Variants in PCDH9 observed in about 807,000 individuals in gnomAD.
The protein encoded by PCDH9 is protocadherin 9.
In PCDH9, 24 loss-of-function variants were observed where a neutral mutation model predicts 70.6. The observed-to-expected ratio is 0.34, with a 90% CI of 0.25 to 0.48. The LOEUF is 0.48. Ranked by LOEUF, PCDH9 falls within the 20% of genes least tolerant of loss-of-function variation. PCDH9 has a pLI of 0.99. For missense variants in PCDH9, 1,281 were observed against 1,503.6 expected, an observed-to-expected ratio of 0.85 and a Z score of 2.45; for synonymous variants, 562 against 558.5, an observed-to-expected ratio of 1.01 and a Z score of -0.09.
chr13:67,013,746 A>G (rs2084500761), intron 2 of PCDH9, among the ~76,000 whole-genome samples: 1 of 152,012 alleles, frequency 6.6e-6, no homozygotes, highest in Non-Finnish European at 1.5e-5. Context: ...AAGATTAAAT[A>G]GGAAAAATAC....
chr13:66,829,025 T>G (rs1214674101), intron 3 of PCDH9, among the ~76,000 whole-genome samples: 1 of 151,572 alleles, frequency 6.6e-6, no homozygotes, highest in Non-Finnish European at 1.5e-5. Flanking sequence ...TGTTTTTTTG[T>G]TTTTTTGTTT....
rs1414658173 is a variant in PCDH9, at chr13:66,787,433, T to C, written c.3138+116071A>G. 3.9e-5 allele frequency among the ~76,000 whole-genome samples: 6 copies of C among 152,040 alleles called. No individual in the cohort carries two copies. The South Asian group carries it at 8.3e-4, about 21-fold the overall frequency. ...GAGTTTGAGACCAGCCTGGCCAAGA[T>C]AGTGAAAGCCCATGTCTACTAAAAA... On this transcript the variant is annotated intron_variant, in intron 3 of 4. Coordinates refer to ENST00000377865, the MANE Select transcript of PCDH9 (RefSeq NM_203487.3).
intron 2 of PCDH9, among the ~76,000 whole-genome samples, chr13:67,003,868 T>C (rs1488331201): frequency 6.6e-6 from 1 of 152,202 alleles, no homozygotes; most frequent in Non-Finnish European, 1.5e-5. Context: ...AAAAATAGTC[T>C]CCTTAAAAGG....
intron 3 of PCDH9, among the ~76,000 whole-genome samples, chr13:66,899,483 A>T (rs145397331): frequency 7.3e-4 from 111 of 152,128 alleles, no homozygotes; most frequent in African/African-American, 2.5e-3. Flanking sequence ...TACACTGAAC[A>T]CTAAACCATT....
chr13:66,479,481 T>C (rs1958797161), intron 4 of PCDH9, among the ~76,000 whole-genome samples: 1 of 152,216 alleles, frequency 6.6e-6, no homozygotes, highest in Admixed American at 6.5e-5. Context: ...TCACCATTCT[T>C]GATGCCATTA....
intron 2 of PCDH9, among the ~76,000 whole-genome samples, chr13:67,177,092 G>C (rs1415610324): frequency 6.6e-6 from 1 of 152,022 alleles, no homozygotes; most frequent in Non-Finnish European, 1.5e-5. Flanking sequence ...CCCATGGCAA[G>C]TATTCAATAA....
chr13:66,789,706 A>T lies in PCDH9; in HGVS notation c.3138+113798T>A, dbSNP rs569812643. 1.3e-4 allele frequency among the ~76,000 whole-genome samples: 20 copies of T among 152,238 alleles called. No homozygotes were observed. The East Asian group carries it at 3.9e-3, about 29-fold the overall frequency. On this transcript the variant is annotated intron_variant, in intron 3 of 4. Coordinates refer to ENST00000377865, the MANE Select transcript of PCDH9 (RefSeq NM_203487.3). The stretch of plus-strand genomic sequence containing the variant: ...GTTTTATGCTCTGTTGGTCTTACTA[A>T]CATTTATCAATTTCTATAGACCATA...
intron 3 of PCDH9, among the ~76,000 whole-genome samples, chr13:66,890,251 T>C (rs1265439865): frequency 1.3e-5 from 2 of 152,104 alleles, no homozygotes; most frequent in African/African-American, 4.8e-5. Context: ...AATAATGACA[T>C]CTTTCCTAGC....
chr13:66,580,135 TAATA>T (rs2076869966), intron 4 of PCDH9, among the ~76,000 whole-genome samples: 2 of 152,190 alleles, frequency 1.3e-5, no homozygotes, highest in Admixed American at 6.5e-5. Context: ...AATTAAAAGT[TAATA>T]AATAATTTCC....
intron 3 of PCDH9, among the ~76,000 whole-genome samples, chr13:66,685,889 C>A (rs980078544): frequency 2.6e-5 from 4 of 152,134 alleles, no homozygotes; most frequent in African/African-American, 7.2e-5. Context: ...AGGGGTATAC[C>A]AAATGCCTGT....
chr13:66,408,346 G>A (rs1957317698), intron 4 of PCDH9, among the ~76,000 whole-genome samples: 1 of 152,200 alleles, frequency 6.6e-6, no homozygotes, highest in African/African-American at 2.4e-5. Flanking sequence ...GATTACTGAG[G>A]AATTGTCTCC....
At chr13:66,690,464 G>A (rs1368963769) in intron 3 of PCDH9, among the ~76,000 whole-genome samples, 3 of 151,970 alleles carry the variant, frequency 2.0e-5, no homozygotes, top group Non-Finnish European at 4.4e-5. Flanking sequence ...TTGATATTAG[G>A]GTTAAAGAAT....
At chr13:66,636,204 AACACATT>A (rs1266782739) in intron 3 of PCDH9, among the ~76,000 whole-genome samples, 1 of 152,156 alleles carries the variant, frequency 6.6e-6, no homozygotes, top group African/African-American at 2.4e-5. Flanking sequence ...CTAAAATTTC[AACACATT>A]ATCTTTGTAA....
intron 3 of PCDH9, among the ~76,000 whole-genome samples, chr13:66,709,085 T>C (rs1176118921): frequency 6.6e-6 from 1 of 152,174 alleles, no homozygotes; most frequent in Admixed American, 6.5e-5. Context: ...TATTGTGAGA[T>C]ATGCTGGTAG....
intron 4 of PCDH9, among the ~76,000 whole-genome samples, chr13:66,465,341 G>A (rs1468996012): frequency 6.6e-6 from 1 of 151,770 alleles, no homozygotes; most frequent in Non-Finnish European, 1.5e-5. Flanking sequence ...AAATGGATTA[G>A]AAATCATTTA....
At chr13:66,331,770 A>T (rs1955945452) in intron 4 of PCDH9, among the ~76,000 whole-genome samples, 1 of 152,180 alleles carries the variant, frequency 6.6e-6, no homozygotes, top group Admixed American at 6.6e-5. Flanking sequence ...GACCATTCAT[A>T]CTTGCTCTGT....
chr13:66,680,711 G>C (rs891364802), intron 3 of PCDH9, among the ~76,000 whole-genome samples: 2 of 151,754 alleles, frequency 1.3e-5, no homozygotes, highest in Non-Finnish European at 2.9e-5. Flanking sequence ...CAACCAATGA[G>C]CAATAGTACA....
chr13:66,624,745 A>T (rs746741108), intron 4 of PCDH9, among the ~76,000 whole-genome samples: 14 of 152,266 alleles, frequency 9.2e-5, no homozygotes, highest in Non-Finnish European at 1.9e-4. Context: ...TTAGAAACAT[A>T]CTTAAATATA....
intron 3 of PCDH9, among the ~76,000 whole-genome samples, chr13:66,653,849 T>C (rs1024174298): frequency 6.6e-6 from 1 of 151,928 alleles, no homozygotes; most frequent in Non-Finnish European, 1.5e-5. Context: ...GCTCCTGTAG[T>C]CCCAGCTACT....
Sources: allele counts gnomAD v4.1 joint callset (sites outside exome capture counted in the v4.1 genomes callset), GRCh38; gene constraint gnomAD v4.1.1; transcripts MANE v1.5; gene names NCBI Gene and HGNC (gene_info 2026-07-23, HGNC 2026-07-21).